Variants in CRYBA4 observed in about 807,000 individuals in gnomAD.
CRYBA4 encodes beta-crystallin A4.
CRYBA4 carries 30 observed loss-of-function variants against 31.7 expected under a neutral mutation model. That is an observed-to-expected ratio of 0.95 (90% CI 0.71 to 1.28). The LOEUF (loss-of-function observed/expected upper bound fraction) is 1.28, where lower values mean the gene tolerates loss of function less well. Ranked by LOEUF, CRYBA4 falls within the 50% of genes most tolerant of loss-of-function variation. CRYBA4 has a pLI of 0.00. For missense variants in CRYBA4, 225 were observed against 260.7 expected, an observed-to-expected ratio of 0.86 and a Z score of 0.94; for synonymous variants, 102 against 102.3, an observed-to-expected ratio of 1.00 and a Z score of 0.02.
intron 5 of CRYBA4, among the ~76,000 whole-genome samples, chr22:26,629,168 A>T (rs1456286830): frequency 6.6e-6 from 1 of 152,198 alleles, no homozygotes; most frequent in Non-Finnish European, 1.5e-5. Flanking sequence ...TGGCAGGTGA[A>T]GGCTAAGGTG....
the CRYBA4 span, chr22:26,612,284 G>A: frequency 1.2e-6 from 1 of 814,312 alleles, no homozygotes; most frequent in Non-Finnish European, 2.1e-6. Context: ...CAGTGCAGGA[G>A]TCACATAAAA....
At chr22:26,617,753 A>C (rs1034887267), upstream of CRYBA4, among the ~76,000 whole-genome samples, 9 of 147,278 alleles carry the variant, frequency 6.1e-5, no homozygotes, top group Non-Finnish European at 1.2e-4. Context: ...TTATCTCTCT[A>C]TCTGTCCTTT....
At chr22:26,594,123 C>T in the CRYBA4 span, among the ~76,000 whole-genome samples, 1 of 152,198 alleles carries the variant, frequency 6.6e-6, no homozygotes, top group Non-Finnish European at 1.5e-5. Context: ...TCTTCTCCTG[C>T]TGGAAGGGTG....
chr22:26,608,523 G>A, the CRYBA4 span, among the ~76,000 whole-genome samples: 1 of 152,114 alleles, frequency 6.6e-6, no homozygotes, highest in African/African-American at 2.4e-5. Flanking sequence ...AGCAGACAAT[G>A]GTGTAATAGC....
chr22:26,625,828 A>G (rs1263679502), intron 4 of CRYBA4, among the ~76,000 whole-genome samples: 1 of 152,178 alleles, frequency 6.6e-6, no homozygotes, highest in African/African-American at 2.4e-5. Flanking sequence ...AGAACGTATA[A>G]CATCTGACCA....
At chr22:26,602,016 G>C in the CRYBA4 span, 1 of 1,613,710 alleles carries the variant, frequency 6.2e-7, no homozygotes, top group Non-Finnish European at 8.5e-7. Context: ...TGTGCTCCTG[G>C]GCATCCTGGG....
At chr22:26,628,568 GTAT>G in intron 5 of CRYBA4, 138 bp downstream of exon 5, 1 of 1,013,630 alleles carries the variant, frequency 9.9e-7, no homozygotes. Flanking sequence ...GCACAGGGAG[GTAT>G]CAGGCAGAAT....
the CRYBA4 span, chr22:26,599,777 C>G: frequency 1.1e-6 from 1 of 887,834 alleles, no homozygotes. Flanking sequence ...CTGCAGTCGG[C>G]TGCTCTCTCA....
chr22:26,604,797 G>A, the CRYBA4 span, among the ~76,000 whole-genome samples: 6 of 152,192 alleles, frequency 3.9e-5, no homozygotes, highest in African/African-American at 1.2e-4. Flanking sequence ...ACCAGCCAGT[G>A]GTAAAAGTAC....
the CRYBA4 span, among the ~76,000 whole-genome samples, chr22:26,610,305 C>A: frequency 1.5e-4 from 23 of 152,086 alleles, no homozygotes; most frequent in Admixed American, 1.3e-4. Context: ...GGCAGGCAGG[C>A]CTCCTCACTT....
chr22:26,619,616 C>T (rs1929468331), upstream of CRYBA4, among the ~76,000 whole-genome samples: 1 of 152,230 alleles, frequency 6.6e-6, no homozygotes. Context: ...CTGGAGCCAG[C>T]TTTGCCTCTG....
chr22:26,630,368 C>A lies in CRYBA4; in HGVS notation c.472C>A (p.Arg158=), dbSNP rs748709957. Residue 158 remains arginine, a synonymous_variant, in exon 6 of 6, where the codon CGA becomes AGA. Transcript: ENST00000354760. ...AWVCSQFPGY[R]GFQYVLECDH... ...GGTTTGCTCCCAGTTTCCGGGCTAC[C>A]GAGGATTTCAGTATGTGCTGGAATG... is the stretch of plus-strand genomic sequence containing the variant. The A allele has an allele frequency of 3.7e-6, 6 of 1,614,208 alleles. No homozygotes were observed. The highest frequency in any genetic ancestry group is 1.1e-5 in the South Asian group (1 of 91,076).
At chr22:26,616,220 T>A in the CRYBA4 span, 1 of 1,614,066 alleles carries the variant, frequency 6.2e-7, no homozygotes, top group Non-Finnish European at 8.5e-7. Context: ...GTGCCGGGAC[T>A]AGGGGATGTT....
At chr22:26,593,674 C>T in the CRYBA4 span, among the ~76,000 whole-genome samples, 4 of 151,988 alleles carry the variant, frequency 2.6e-5, no homozygotes, top group Admixed American at 6.6e-5. Flanking sequence ...TACAAGCATG[C>T]GCCAATATGC....
chr22:26,613,712 T>C, the CRYBA4 span, among the ~76,000 whole-genome samples: 1 of 152,174 alleles, frequency 6.6e-6, no homozygotes, highest in African/African-American at 2.4e-5. Context: ...AGCATGTGTG[T>C]TTGAGCAATA....
intron 4 of CRYBA4, among the ~76,000 whole-genome samples, chr22:26,627,372 CTTTCTTTCTT>C (rs1200619603): frequency 2.0e-5 from 1 of 51,020 alleles, no homozygotes; most frequent in Admixed American, 2.4e-4. Context: ...TTCTTTCTTT[CTTTCTTTCTT>C]TCTTTCTTTC....
At chr22:26,627,197 C>T (rs1929726090) in intron 4 of CRYBA4, among the ~76,000 whole-genome samples, 1 of 152,094 alleles carries the variant, frequency 6.6e-6, no homozygotes, top group Non-Finnish European at 1.5e-5. Context: ...TTTATAGATA[C>T]AGGAACAGAG....
At chr22:26,624,534 G>C (rs901619797) in intron 3 of CRYBA4, among the ~76,000 whole-genome samples, 6 of 152,226 alleles carry the variant, frequency 3.9e-5, no homozygotes, top group African/African-American at 1.4e-4. Context: ...GCCACCTGAG[G>C]TCATCTTGGG....
At chr22:26,620,556 C>CTTT (rs60318967), upstream of CRYBA4, among the ~76,000 whole-genome samples, 6 of 88,494 alleles carry the variant, frequency 6.8e-5, no homozygotes, top group African/African-American at 8.8e-5. Flanking sequence ...TCATGCATTC[C>CTTT]TTTTTTTTTT....
Sources: allele counts gnomAD v4.1 joint callset (sites outside exome capture counted in the v4.1 genomes callset), GRCh38; gene constraint gnomAD v4.1.1; transcripts MANE v1.5; gene names NCBI Gene and HGNC (gene_info 2026-07-23, HGNC 2026-07-21).